The following CARD10 variants were observed in gnomAD, a reference collection of about 807,000 sequenced individuals.
The protein encoded by CARD10 is caspase recruitment domain family member 10.
A neutral mutation model predicts 114.6 loss-of-function variants in CARD10; 49 were observed. The ratio of observed to expected loss-of-function variants is 0.43; its 90% CI spans 0.34 to 0.54. The LOEUF is 0.54. Ranked by LOEUF, CARD10 falls within the 20% of genes least tolerant of loss-of-function variation. The probability of loss-of-function intolerance (pLI) is 0.03; values close to 1 mark genes in which losing one functional copy is unlikely to be tolerated. For missense variants in CARD10, 1,206 were observed against 1,397.2 expected (o/e 0.86, Z 2.18); for synonymous variants, 602 against 593.2 (o/e 1.01, Z -0.21).
At position 37,506,352 on chromosome 22, in the gene CARD10, T is replaced by C. The variant is rs1252226921; in HGVS notation, c.1223A>G (p.Gln408Arg). 6.3e-7 allele frequency: 1 copy of C among 1,597,030 alleles called. No homozygotes were observed. The highest frequency in any genetic ancestry group is 8.5e-7 in the Non-Finnish European group (1 of 1,170,172). Reference protein sequence around the residue: ...AIQSRDRIQLQYSQSLIEKDQ... With the variant: ...AIQSRDRIQLRYSQSLIEKDQ... ...CTTCTCGATGAGGCTCTGTGAGTAC[T>C]GCAACTGGATCCGGTCACGGCTCTG... Residue 408 changes from glutamine to arginine, a missense_variant, in exon 7 of 20, where the codon CAG (glutamine) becomes CGG (arginine). By Grantham distance (43) the Gln-to-Arg change is conservative. Transcript: ENST00000251973.
At position 37,519,371 on chromosome 22, in the gene CARD10, C is replaced by G. The variant is rs1343219358; in HGVS notation, c.-171G>C. On this transcript the variant is annotated 5_prime_UTR_variant, in exon 1 of 20. Transcript: ENST00000251973. This position sits in a 1 kb window ranked among gnomAD's most constrained non-coding sequence, Gnocchi z 4.1. ...GCACGCTACAGTCGCCTCGGGCTCC[C>G]GGGTCCGCACTCGGGCGGCGGCTCC... The G allele has an allele frequency of 2.0e-5, 24 of 1,221,726 alleles. No homozygotes were observed. The highest frequency in any genetic ancestry group is 2.1e-5 in the Non-Finnish European group (21 of 982,196). The allele number at this position is 1,221,726 out of a possible 1,614,324, so 75.7% of individuals were successfully genotyped here.
chr22:37,513,614 GC>G (rs1923736381), intron 3 of CARD10, among the ~76,000 whole-genome samples: 1 of 152,054 alleles, frequency 6.6e-6, no homozygotes, highest in African/African-American at 2.4e-5. Context: ...GAGGGCTGCA[GC>G]CCCTCCCAGT....
chr22:37,519,156 C>T lies in CARD10; in HGVS notation c.45G>A (p.Gly15=), dbSNP rs1356537489. The T allele has an allele frequency of 1.9e-6, 3 of 1,542,158 alleles. No individual in the cohort carries two copies. The highest frequency in any genetic ancestry group is 1.8e-4 in the Middle Eastern group (1 of 5,596). Reference sequence around the variant, plus strand: ...CCTCCGCCTCAGACCCCGAGCCGGCCCCGGCCTCCTCCTCGGCCTCCCCCG... The same window carrying T: ...CCTCCGCCTCAGACCCCGAGCCGGCTCCGGCCTCCTCCTCGGCCTCCCCCG... ...AEAGEAEEEA[G]AGSGSEAEED... Residue 15 remains glycine, a synonymous_variant, in exon 1 of 20, where the codon GGG becomes GGA. Coordinates refer to ENST00000251973, the MANE Select transcript of CARD10 (RefSeq NM_014550.4). This position sits in a 1 kb window ranked among gnomAD's most constrained non-coding sequence, Gnocchi z 4.1.
At position 37,519,171 on chromosome 22, in the gene CARD10, G is replaced by T. The variant is rs1342723887; in HGVS notation, c.30C>A (p.Ala10=). The T allele has an allele frequency of 5.2e-6, 8 of 1,536,148 alleles. No homozygotes were observed. Among genetic ancestry groups the T allele is most frequent in the Non-Finnish European group, 7.0e-6 (8 of 1,146,958 alleles). MPGRAEAGE[A]EEEAGAGSGS... is the part of the protein sequence containing the mutation. ...CCGAGCCGGCCCCGGCCTCCTCCTC[G>T]GCCTCCCCCGCCTCCGCCCGGCCCG... The change falls in exon 1 of 20, where the codon GCC becomes GCA. Residue 10 remains alanine, a synonymous_variant. Coordinates refer to ENST00000251973, the MANE Select transcript of CARD10 (RefSeq NM_014550.4). This position sits in a 1 kb window ranked among gnomAD's most constrained non-coding sequence, Gnocchi z 4.1.
chr22:37,504,237 G>T lies in CARD10; in HGVS notation c.1583C>A (p.Ala528Asp). ...ACGCTGCCGGCGGAGGATGGAGCCG[G>T]CACTGGGGGGGAAGGGCAGGATGGA... Reference protein sequence around the residue: ...RLSILPFPPSAGSILRRQREE... With the variant: ...RLSILPFPPSDGSILRRQREE... Residue 528 changes from alanine (A) to aspartate (D), a missense_variant, in exon 9 of 20, where the codon GCC becomes GAC. By Grantham distance (126) the Ala-to-Asp change is moderately radical (BLOSUM62 -2). Coordinates refer to ENST00000251973, the MANE Select transcript of CARD10 (RefSeq NM_014550.4). 6.3e-7 allele frequency: 1 copy of T among 1,579,824 alleles called. No individual in the cohort carries two copies. Among genetic ancestry groups the T allele is most frequent in the Non-Finnish European group, 8.6e-7 (1 of 1,162,120 alleles).
intron 1 of CARD10, 88 bp downstream of exon 1, chr22:37,518,878 G>A: frequency 1.4e-6 from 2 of 1,412,526 alleles, no homozygotes; most frequent in Non-Finnish European, 1.9e-6. Flanking sequence ...GGGCAGCAGA[G>A]CCCTAGCTTC....
chr22:37,515,864 C>A (rs1923827547), intron 3 of CARD10, 109 bp downstream of exon 3: 1 of 850,056 alleles, frequency 1.2e-6, no homozygotes, highest in Admixed American at 2.7e-5. Flanking sequence ...AAGGACTTAT[C>A]CACGTCAAAG....
chr22:37,493,633 G>A (rs1922886596), intron 16 of CARD10, among the ~76,000 whole-genome samples: 1 of 151,902 alleles, frequency 6.6e-6, no homozygotes, highest in African/African-American at 2.4e-5. Context: ...TCTCTTCCAG[G>A]AAGTCTTCCC....
chr22:37,503,821 C>A (rs1207085621), intron 9 of CARD10, among the ~76,000 whole-genome samples: 2 of 152,186 alleles, frequency 1.3e-5, no homozygotes, highest in Non-Finnish European at 2.9e-5. Context: ...GATGCCCAAA[C>A]CTGGGGCCTG....
chr22:37,508,043 C>G lies in CARD10; in HGVS notation c.1066-89G>C, dbSNP rs1411393346. 6 of 1,499,166 alleles carry G rather than the reference C, an allele frequency of 4.0e-6. No homozygotes were observed. In the Admixed American group the frequency reaches 8.5e-5, roughly 21 times the overall value. 92.9% of individuals were successfully genotyped at this position (1,499,166 alleles called of 1,614,324 possible). On this transcript the variant is annotated intron_variant, in intron 5 of 19. Coordinates refer to ENST00000251973, the MANE Select transcript of CARD10 (RefSeq NM_014550.4). ...GGTGCCCAGGAGGGCCAGTGAGAGA[C>G]GCTCACCAACAGTCTGAGACCCAAT...
chr22:37,492,949 T>G lies in CARD10; in HGVS notation c.2477-147A>C. 1 of 801,466 alleles carries G rather than the reference T, an allele frequency of 1.2e-6. No individual in the cohort carries two copies. Among genetic ancestry groups the G allele is most frequent in the South Asian group, 1.8e-5 (1 of 55,350 alleles). 49.6% of individuals were successfully genotyped at this position (801,466 alleles called of 1,614,324 possible). A position where few individuals can be genotyped will look rare whatever the true frequency, so the allele number is the denominator to read the frequency against. ...CACATGCACACACACACACCCTTAG[T>G]AGGACCGACGGTGGCAGTAGGCTCC... On this transcript the variant is annotated intron_variant, in intron 16 of 19. Coordinates refer to ENST00000251973, the MANE Select transcript of CARD10 (RefSeq NM_014550.4). The surrounding 1 kb of genome is among the most constrained non-coding windows in gnomAD (Gnocchi z 5.7).
intron 8 of CARD10, 32 bp from the exon 9 acceptor site, chr22:37,504,333 C>A (rs1385459458): frequency 1.4e-6 from 2 of 1,425,178 alleles, no homozygotes; most frequent in African/African-American, 1.4e-5. Flanking sequence ...TGGGTCACCC[C>A]CACTGCCCAG....
intron 3 of CARD10, among the ~76,000 whole-genome samples, chr22:37,515,425 T>C (rs1323158501): frequency 1.3e-5 from 2 of 151,728 alleles, no homozygotes; most frequent in African/African-American, 4.8e-5. Flanking sequence ...TAGCTGGGTG[T>C]GGTGGCACGA....
Position 37,502,518 on chromosome 22 carries a change from C to A in CARD10, c.1787+84G>T, listed in dbSNP as rs180950942. The A allele has an allele frequency of 1.5e-4, 211 of 1,444,278 alleles. No homozygotes were observed. The African/African-American group carries it at 2.3e-3, about 16-fold the overall frequency. The allele number at this position is 1,444,278 out of a possible 1,614,324, so 89.5% of individuals were successfully genotyped here. On this transcript the variant is annotated intron_variant, in intron 11 of 19. Transcript: ENST00000251973. ...TTCCAATAGTTGCATAAAACAGGGG[C>A]GAGGCAATTGCTCCTCCCACCTCAC...
In CARD10 at chr22:37,506,265, A is replaced by T; in HGVS notation, c.1310T>A (p.Leu437His). 6.2e-7 allele frequency: 1 copy of T among 1,609,012 alleles called. No individual in the cohort carries two copies. The highest frequency in any genetic ancestry group is 1.3e-5 in the African/African-American group (1 of 74,926). Residue 437 changes from leucine (L) to histidine (H), a missense_variant, in exon 7 of 20, where the codon CTC becomes CAC. Around this residue, in one of 2 missense-constraint regions of CARD10, gnomAD observed 1,068 missense variants for 1,179.1 expected, o/e 0.91. Transcript: ENST00000251973. ...AGCCTTGGTGCCCTCCAGGCTGGTGAGCGTTGTCAGCAGCTCATCCCGCTC... is the reference window on the plus strand; with the variant it reads ...AGCCTTGGTGCCCTCCAGGCTGGTGTGCGTTGTCAGCAGCTCATCCCGCTC... ...EAERDELLTT[L>H]TSLEGTKALL...
intron 19 of CARD10, 152 bp from the exon 20 acceptor site, chr22:37,491,545 C>T: frequency 1.4e-4 from 1 of 7,212 alleles, no homozygotes; most frequent in African/African-American, 1.9e-3. Flanking sequence ...GAGAGAGAGA[C>T]AGAGAAGGGG....
chr22:37,505,275 T>TA (rs35364224), intron 7 of CARD10, among the ~76,000 whole-genome samples: 93 of 142,194 alleles, frequency 6.5e-4, no homozygotes, highest in South Asian at 1.6e-3. Context: ...CACTGGGGGT[T>TA]AAAAAAAAAA....
chr22:37,499,759 C>T (rs1440327088), intron 11 of CARD10, among the ~76,000 whole-genome samples: 1 of 152,116 alleles, frequency 6.6e-6, no homozygotes, highest in East Asian at 1.9e-4. Context: ...GCAGAGCCCA[C>T]AGGGGCTTGC....
intron 4 of CARD10, chr22:37,509,094 A>G (rs776370655): frequency 3.9e-6 from 6 of 1,543,202 alleles, no homozygotes; most frequent in Middle Eastern, 1.7e-4. Context: ...CCTGGCCCAT[A>G]CAGGTAGACC....
Sources: allele counts gnomAD v4.1 joint callset (sites outside exome capture counted in the v4.1 genomes callset), GRCh38; gene constraint gnomAD v4.1.1; regional missense constraint gnomAD v4.1.1; non-coding constraint Gnocchi (gnomAD v3.1); transcripts MANE v1.5; gene names NCBI Gene and HGNC (gene_info 2026-07-23, HGNC 2026-07-21).